NINL: variants seen among roughly 807,000 people sequenced by gnomAD.
The protein encoded by NINL is ninein-like protein.
NINL carries 153 observed loss-of-function variants against 160.3 expected under a neutral mutation model. The ratio of observed to expected loss-of-function variants is 0.95; its 90% confidence interval spans 0.84 to 1.09. The LOEUF (loss-of-function observed/expected upper bound fraction) is 1.09. Among genes scored for constraint, NINL ranks in the 50% least tolerant of loss-of-function variants. NINL has a pLI of 0.00. For synonymous variants in NINL, 800 were observed against 734.8 expected, an observed-to-expected ratio of 1.09 and a Z score of -1.43; for missense variants, 1,829 against 1,764.0, an observed-to-expected ratio of 1.04 and a Z score of -0.66.
rs1439837903 is a variant in NINL at position 25,476,369 on chromosome 20, C to T, written c.2922G>A (p.Arg974=). ...PAASCRGQAE[R]LQAIQEERAR... ...CTCGCTCTTCCTGAATGGCCTGTAG[C>T]CTCTCAGCCTGTCCCCTGCACGAAG... The change falls in exon 17 of 24, where the codon AGG becomes AGA. Residue 974 remains arginine, a synonymous_variant. Coordinates refer to ENST00000278886, the MANE Select transcript of NINL (RefSeq NM_025176.6). The T allele has an allele frequency of 2.5e-6, 4 of 1,611,426 alleles. No homozygotes were observed. The highest frequency in any genetic ancestry group is 2.7e-5 in the African/African-American group (2 of 74,882).
In NINL at chr20:25,461,507, A is replaced by G; in HGVS notation, c.3696+15T>C. 5 of 1,492,678 alleles carry G rather than the reference A, an allele frequency of 3.3e-6. No individual in the cohort carries two copies. Among genetic ancestry groups the G allele is most frequent in the Non-Finnish European group, 4.5e-6 (5 of 1,107,642 alleles). 92.5% of individuals were successfully genotyped at this position (1,492,678 alleles called of 1,614,324 possible). A position where few individuals can be genotyped will look rare whatever the true frequency, so the allele number is the denominator to read the frequency against. On this transcript the variant is annotated intron_variant, in intron 21 of 23. Coordinates refer to ENST00000278886, the MANE Select transcript of NINL (RefSeq NM_025176.6). ...GGGACTGGACCCAGTGCCTCCAGCC[A>G]TCGCTCACACCCACCTGGTCTTGAC... is the stretch of plus-strand genomic sequence containing the variant.
intron 1 of NINL, among the ~76,000 whole-genome samples, chr20:25,539,159 G>T (rs2064614762): frequency 6.6e-6 from 1 of 152,214 alleles, no homozygotes; most frequent in African/African-American, 2.4e-5. Flanking sequence ...CACACTCACA[G>T]CATCAGCTGG....
At chr20:25,579,764 G>T (rs570933050) in intron 1 of NINL, among the ~76,000 whole-genome samples, 1 of 152,156 alleles carries the variant, frequency 6.6e-6, no homozygotes, top group African/African-American at 2.4e-5. Context: ...AGCCACCTGC[G>T]TCCCTCAGGG....
intron 9 of NINL, among the ~76,000 whole-genome samples, chr20:25,497,324 C>A (rs1201094811): frequency 6.6e-6 from 1 of 152,250 alleles, no homozygotes; most frequent in Non-Finnish European, 1.5e-5. Context: ...AGCTGAGGCA[C>A]TGTGTAAATC....
intron 7 of NINL, among the ~76,000 whole-genome samples, chr20:25,502,609 G>T (rs1344858416): frequency 6.6e-6 from 1 of 152,200 alleles, no homozygotes; most frequent in Non-Finnish European, 1.5e-5. Context: ...TGGAGGTGGG[G>T]CCTGGTGGGA....
chr20:25,570,623 G>A (rs1033286008), intron 1 of NINL, among the ~76,000 whole-genome samples: 2 of 149,578 alleles, frequency 1.3e-5, no homozygotes, highest in Non-Finnish European at 1.5e-5. Context: ...ATAGCAGTGC[G>A]AGAACGAACT....
chr20:25,504,577 A>G (rs2063927089), intron 6 of NINL, among the ~76,000 whole-genome samples: 2 of 152,098 alleles, frequency 1.3e-5, no homozygotes, highest in Admixed American at 1.3e-4. Context: ...GCGCAGTGGA[A>G]CCCGGCCACA....
intron 1 of NINL, among the ~76,000 whole-genome samples, chr20:25,559,804 A>AG (rs2147126335): frequency 6.6e-6 from 1 of 151,510 alleles, no homozygotes; most frequent in African/African-American, 2.4e-5. Context: ...ATGGGATCTC[A>AG]CTGTGTTGCC....
At chr20:25,582,666 A>G (rs1014029071) in intron 1 of NINL, among the ~76,000 whole-genome samples, 8 of 152,344 alleles carry the variant, frequency 5.3e-5, no homozygotes, top group Non-Finnish European at 8.8e-5. Flanking sequence ...TATAAGTCAA[A>G]CAAAAGGGAC....
chr20:25,523,015 A>G (rs923408514), intron 2 of NINL, among the ~76,000 whole-genome samples: 6 of 152,188 alleles, frequency 3.9e-5, no homozygotes, highest in African/African-American at 1.4e-4. Context: ...ACAGATACTC[A>G]AGTCCTTTGT....
chr20:25,528,396 A>C (rs1265146668), intron 1 of NINL, among the ~76,000 whole-genome samples: 1 of 152,202 alleles, frequency 6.6e-6, no homozygotes, highest in African/African-American at 2.4e-5. Flanking sequence ...AAAACTTTAT[A>C]ATAATAGTAA....
intron 1 of NINL, among the ~76,000 whole-genome samples, chr20:25,577,885 T>C (rs944819565): frequency 2.0e-5 from 3 of 151,592 alleles, no homozygotes; most frequent in Non-Finnish European, 4.4e-5. Context: ...CAGGCTGGAA[T>C]GCAATGGCGC....
At chr20:25,542,572 G>T (rs895097600) in intron 1 of NINL, among the ~76,000 whole-genome samples, 4 of 151,624 alleles carry the variant, frequency 2.6e-5, no homozygotes, top group Admixed American at 6.6e-5. Context: ...ACTCATTATA[G>T]CCATATGGTC....
chr20:25,458,361 C>T lies in NINL; in HGVS notation c.3843+22G>A, dbSNP rs2090745170. The T allele has an allele frequency of 1.9e-6, 3 of 1,604,102 alleles. No individual in the cohort carries two copies. The South Asian group carries it at 3.3e-5, about 18-fold the overall frequency. On this transcript the variant is annotated intron_variant, in intron 22 of 23. Transcript: ENST00000278886. Reference sequence around the variant, plus strand: ...CCCTCCTCCTCATCTCGTCAGCCATCTCTCGCTGCATCCCCACTTACCCGC... The same window carrying T: ...CCCTCCTCCTCATCTCGTCAGCCATTTCTCGCTGCATCCCCACTTACCCGC...
intron 1 of NINL, among the ~76,000 whole-genome samples, chr20:25,538,740 C>G (rs1408885548): frequency 6.6e-6 from 1 of 151,892 alleles, no homozygotes; most frequent in African/African-American, 2.4e-5. Context: ...CTAGGAAACA[C>G]AGGGGTGGGT....
intron 1 of NINL, among the ~76,000 whole-genome samples, chr20:25,544,971 C>T (rs1383336184): frequency 3.9e-5 from 6 of 152,280 alleles, no homozygotes; most frequent in South Asian, 2.1e-4. Context: ...TCTTTATCTC[C>T]GTAAGTATGA....
At chr20:25,504,321 T>G (rs1455476956) in intron 6 of NINL, among the ~76,000 whole-genome samples, 3 of 152,338 alleles carry the variant, frequency 2.0e-5, no homozygotes, top group South Asian at 4.1e-4. Context: ...TTGGTTTCCA[T>G]TTCACTGTGA....
intron 1 of NINL, among the ~76,000 whole-genome samples, chr20:25,536,311 C>G (rs56238023): frequency 0.24 from 36,802 of 152,140 alleles, 4,842 homozygotes; most frequent in East Asian, 0.57. Context: ...GGTGACCAAC[C>G]CCAACAGACT....
At chr20:25,483,249 G>A (rs181282433) in intron 13 of NINL, among the ~76,000 whole-genome samples, 2,532 of 151,924 alleles carry the variant, frequency 0.017, 31 homozygotes, top group Non-Finnish European at 0.028. Context: ...CAGGAGAATC[G>A]CTTGAACCCA....
Sources: allele counts gnomAD v4.1 joint callset (sites outside exome capture counted in the v4.1 genomes callset), GRCh38; gene constraint gnomAD v4.1.1; transcripts MANE v1.5; gene names NCBI Gene and HGNC (gene_info 2026-07-23, HGNC 2026-07-21).